Variants in RBFOX3 observed in about 807,000 individuals in gnomAD.
RBFOX3 encodes the protein RNA binding protein fox-1 homolog 3.
In RBFOX3, 17 loss-of-function variants were observed where a neutral mutation model predicts 48.7. That is an observed-to-expected ratio of 0.35 (90% CI 0.24 to 0.52). RBFOX3 has a LOEUF of 0.52. Ranked by LOEUF, RBFOX3 falls within the 20% of genes least tolerant of loss-of-function variation. RBFOX3 has a pLI of 0.94. For missense variants in RBFOX3, 382 were observed against 497.5 expected, an observed-to-expected ratio of 0.77 and a Z score of 2.21; for synonymous variants, 212 against 209.5, an observed-to-expected ratio of 1.01 and a Z score of -0.10.
At chr17:79,298,178 C>G (rs2074708794) in intron 3 of RBFOX3, 1 of 152,210 alleles carries the variant, frequency 6.6e-6, no homozygotes, top group Admixed American at 6.5e-5. Context: ...CATCGAGCAA[C>G]ACCCCAGGGG....
intron 4 of RBFOX3, among the ~76,000 whole-genome samples, chr17:79,130,693 G>C (rs1284303360): frequency 6.6e-6 from 1 of 152,222 alleles, no homozygotes; most frequent in Non-Finnish European, 1.5e-5. Context: ...TCCAGGCCCC[G>C]GTGGGGACAA....
In RBFOX3 at chr17:79,214,809, G is replaced by A. The variant is rs528800669; in HGVS notation, c.-34+20957C>T. Among the ~76,000 whole-genome samples the A allele has an allele frequency of 1.4e-4, 22 of 152,268 alleles. No homozygotes were observed. Among genetic ancestry groups the A allele is most frequent in the African/African-American group, 3.1e-4 (13 of 41,552 alleles). ...TTAAATGCACAGACAGGATATTAGC[G>A]TTTAAACAGCTTCTATTACTCCAGG... On this transcript the variant is annotated intron_variant, in intron 4 of 14. Transcript: ENST00000693108. This position sits in a 1 kb window ranked among gnomAD's most constrained non-coding sequence, Gnocchi z 4.7.
intron 2 of RBFOX3, among the ~76,000 whole-genome samples, chr17:79,334,820 C>T (rs896975593): frequency 6.6e-6 from 1 of 152,244 alleles, no homozygotes; most frequent in Non-Finnish European, 1.5e-5. Context: ...CAGTGAAAAC[C>T]ACATCGAGCT....
At chr17:79,590,795 G>A (rs1446658036) in intron 1 of RBFOX3, among the ~76,000 whole-genome samples, 1 of 152,176 alleles carries the variant, frequency 6.6e-6, no homozygotes, top group Non-Finnish European at 1.5e-5. Flanking sequence ...AAAGGAGAAA[G>A]CAAGGACATC....
chr17:79,576,576 A>T (rs1422412747), intron 1 of RBFOX3, among the ~76,000 whole-genome samples: 1 of 151,762 alleles, frequency 6.6e-6, no homozygotes, highest in Non-Finnish European at 1.5e-5. Flanking sequence ...GATGATGGAG[A>T]AGGTGGAGAT....
At chr17:79,342,187 G>A (rs2082211926) in intron 2 of RBFOX3, among the ~76,000 whole-genome samples, 1 of 152,196 alleles carries the variant, frequency 6.6e-6, no homozygotes, top group African/African-American at 2.4e-5. Flanking sequence ...TTATTTATGG[G>A]GCCCTTGTTG....
intron 1 of RBFOX3, among the ~76,000 whole-genome samples, chr17:79,575,012 C>G (rs2092809797): frequency 6.6e-6 from 1 of 152,180 alleles, no homozygotes; most frequent in African/African-American, 2.4e-5. Flanking sequence ...CAGTGGTTCC[C>G]AACTTTGAGT....
intron 14 of RBFOX3, 127 bp downstream of exon 14, chr17:79,094,324 T>A (rs1255443463): frequency 2.3e-5 from 14 of 618,058 alleles, no homozygotes; most frequent in Admixed American, 3.9e-5. Context: ...ATCCAGGCCG[T>A]GGTCCTTCCA....
chr17:79,364,864 T>A lies in RBFOX3; in HGVS notation c.-174-57040A>T, dbSNP rs2057497539. Among the ~76,000 whole-genome samples, 2 of 152,184 alleles carry A rather than the reference T, an allele frequency of 1.3e-5. No individual in the cohort carries two copies. Among genetic ancestry groups the A allele is most frequent in the African/African-American group, 4.8e-5 (2 of 41,432 alleles). On this transcript the variant is annotated intron_variant, in intron 2 of 14. Coordinates refer to ENST00000693108, the MANE Select transcript of RBFOX3 (RefSeq NM_001350451.2). This position sits in a 1 kb window ranked among gnomAD's most constrained non-coding sequence, Gnocchi z 5.1. ...TCCCTCAGCTGGAGAGGCTACCTTG[T>A]GTGGCCAGAACCACTCAGTCAATGT...
chr17:79,513,648 GT>G (rs2084832210), intron 1 of RBFOX3, among the ~76,000 whole-genome samples: 2 of 152,328 alleles, frequency 1.3e-5, no homozygotes, highest in South Asian at 4.1e-4. Context: ...TACCAGCCAC[GT>G]GGCCTCGGGC....
At chr17:79,290,535 C>T (rs574022973) in intron 3 of RBFOX3, among the ~76,000 whole-genome samples, 25 of 151,954 alleles carry the variant, frequency 1.6e-4, no homozygotes, top group Admixed American at 1.5e-3. Flanking sequence ...ACATGCCTGC[C>T]GTTGCCACGT....
At chr17:79,508,255 G>T (rs1480161662) in intron 1 of RBFOX3, among the ~76,000 whole-genome samples, 1 of 152,092 alleles carries the variant, frequency 6.6e-6, no homozygotes, top group Admixed American at 6.5e-5. Flanking sequence ...TCAGCTCCCC[G>T]AGAGGGGGTT....
intron 3 of RBFOX3, among the ~76,000 whole-genome samples, chr17:79,284,221 C>A (rs2071307284): frequency 6.6e-6 from 1 of 152,240 alleles, no homozygotes; most frequent in Non-Finnish European, 1.5e-5. Context: ...TTTCCGTGAG[C>A]ATCGGCACGA....
chr17:79,190,581 C>T (rs2054318350), intron 4 of RBFOX3, among the ~76,000 whole-genome samples: 1 of 151,992 alleles, frequency 6.6e-6, no homozygotes, highest in Admixed American at 6.5e-5. Context: ...TTTTTTTCCC[C>T]TTGAAGCTCT....
At chr17:79,292,141 T>C (rs1789035979) in intron 3 of RBFOX3, among the ~76,000 whole-genome samples, 1 of 152,054 alleles carries the variant, frequency 6.6e-6, no homozygotes, top group African/African-American at 2.4e-5. Flanking sequence ...AATCATATTG[T>C]GGTAATAGAG....
At chr17:79,487,079 G>A (rs931988047) in intron 1 of RBFOX3, among the ~76,000 whole-genome samples, 1 of 152,216 alleles carries the variant, frequency 6.6e-6, no homozygotes, top group Non-Finnish European at 1.5e-5. Flanking sequence ...GAGTGAGAGA[G>A]ACCGAGGGAG....
At chr17:79,656,821 G>T in the RBFOX3 span, among the ~76,000 whole-genome samples, 1 of 109,760 alleles carries the variant, frequency 9.1e-6, no homozygotes, top group African/African-American at 3.8e-5. Context: ...GAAAGAGAAA[G>T]AAAGAAAGAA....
At chr17:79,203,296 T>C (rs2057032815) in intron 4 of RBFOX3, among the ~76,000 whole-genome samples, 1 of 139,570 alleles carries the variant, frequency 7.2e-6, no homozygotes, top group Non-Finnish European at 1.5e-5. Flanking sequence ...CATCTGGCTA[T>C]GCTGTTCCTG....
At chr17:79,457,314 A>T (rs947672090) in intron 2 of RBFOX3, among the ~76,000 whole-genome samples, 1 of 152,218 alleles carries the variant, frequency 6.6e-6, no homozygotes, top group Non-Finnish European at 1.5e-5. Context: ...TGGAATCAAT[A>T]GCTCTCACCA....
Sources: gnomAD v4.1 joint callset for allele counts (sites outside exome capture counted in the v4.1 genomes callset) on GRCh38, gnomAD v4.1.1 for gene constraint, Gnocchi (gnomAD v3.1) non-coding constraint, MANE v1.5 for transcripts, NCBI Gene and HGNC (gene_info 2026-07-23, HGNC 2026-07-21) for gene names.